VKORC1L1: variants seen among roughly 807,000 people sequenced by gnomAD.
VKORC1L1 encodes vitamin K epoxide reductase complex subunit 1L1, also known as vitamin K epoxide reductase complex subunit 1-like protein 1.
In VKORC1L1, 2 loss-of-function variants were observed where a neutral mutation model predicts 18.9. The observed-to-expected ratio is 0.11, with a 90% confidence interval of 0.04 to 0.33. The LOEUF is 0.33. VKORC1L1 is among the 10% of genes least tolerant of loss of function. The pLI is 1.00. For missense variants in VKORC1L1, 123 were observed against 224.1 expected, an observed-to-expected ratio of 0.55 and a Z score of 2.88; for synonymous variants, 96 against 100.0, an observed-to-expected ratio of 0.96 and a Z score of 0.24.
intron 1 of VKORC1L1, among the ~76,000 whole-genome samples, chr7:65,886,695 G>A (rs1789017612): frequency 6.6e-6 from 1 of 150,832 alleles, no homozygotes; most frequent in African/African-American, 2.4e-5. Flanking sequence ...CTGCCACCAT[G>A]CCCGGCTAAT....
chr7:65,929,158 C>T (rs1166138311), intron 1 of VKORC1L1, among the ~76,000 whole-genome samples: 2 of 152,108 alleles, frequency 1.3e-5, no homozygotes, highest in Admixed American at 6.5e-5. Context: ...CCTGTAATCC[C>T]AGCACTTTGG....
chr7:65,889,448 A>G (rs1789073161), intron 1 of VKORC1L1, among the ~76,000 whole-genome samples: 1 of 152,232 alleles, frequency 6.6e-6, no homozygotes, highest in South Asian at 2.1e-4. Flanking sequence ...GGACTTGTCC[A>G]TGATTCTCTT....
intron 1 of VKORC1L1, among the ~76,000 whole-genome samples, chr7:65,917,112 C>G (rs1247647792): frequency 2.6e-5 from 4 of 152,064 alleles, no homozygotes; most frequent in Non-Finnish European, 4.4e-5. Context: ...GAGACTTTCT[C>G]CCGTGCACCA....
intron 1 of VKORC1L1, among the ~76,000 whole-genome samples, chr7:65,919,853 C>G (rs563872233): frequency 4.7e-4 from 71 of 152,160 alleles, no homozygotes; most frequent in Non-Finnish European, 6.3e-4. Flanking sequence ...GTCAGGAGAT[C>G]GAGACCATCC....
At chr7:65,902,761 CATCATGTACAGAGTA>C (rs1434515810) in intron 1 of VKORC1L1, among the ~76,000 whole-genome samples, 5 of 152,160 alleles carry the variant, frequency 3.3e-5, no homozygotes, top group Admixed American at 3.3e-4. Flanking sequence ...AAAAAATACA[CATCATGTACAGAGTA>C]ACAGAGATAA....
chr7:65,916,921 C>T (rs1382529917), intron 1 of VKORC1L1, among the ~76,000 whole-genome samples: 1 of 152,092 alleles, frequency 6.6e-6, no homozygotes, highest in African/African-American at 2.4e-5. Flanking sequence ...TTTAGGATAA[C>T]AGTTCATGGT....
At chr7:65,919,646 G>C (rs1001453147) in intron 1 of VKORC1L1, among the ~76,000 whole-genome samples, 3 of 152,134 alleles carry the variant, frequency 2.0e-5, no homozygotes, top group East Asian at 1.9e-4. Flanking sequence ...CGGTCATCTT[G>C]TTCTAAGCTA....
intron 1 of VKORC1L1, among the ~76,000 whole-genome samples, chr7:65,940,852 TC>T (rs1790021414): frequency 6.6e-6 from 1 of 152,170 alleles, no homozygotes; most frequent in Non-Finnish European, 1.5e-5. Flanking sequence ...GTATAACATG[TC>T]CCTGGAAAAA....
At chr7:65,908,283 G>A (rs768490867) in intron 1 of VKORC1L1, among the ~76,000 whole-genome samples, 3 of 151,876 alleles carry the variant, frequency 2.0e-5, no homozygotes, top group East Asian at 3.9e-4. Context: ...GCATGGTGGC[G>A]CATGCCTGTA....
intron 1 of VKORC1L1, among the ~76,000 whole-genome samples, chr7:65,876,509 A>G (rs1788829912): frequency 1.3e-5 from 2 of 151,978 alleles, no homozygotes. Flanking sequence ...CTTTAAAAAA[A>G]AAAAAAAAAA....
At chr7:65,944,401 C>A (rs770064868) in intron 1 of VKORC1L1, among the ~76,000 whole-genome samples, 4 of 152,002 alleles carry the variant, frequency 2.6e-5, no homozygotes, top group Non-Finnish European at 5.9e-5. Context: ...AAAAGTAATT[C>A]TCAAGTGATG....
the VKORC1L1 span, among the ~76,000 whole-genome samples, chr7:65,866,221 A>G: frequency 6.6e-6 from 1 of 152,202 alleles, no homozygotes; most frequent in Non-Finnish European, 1.5e-5. Flanking sequence ...AAACATTCAT[A>G]GGAGTTAGAT....
chr7:65,900,073 GTGTGTGTGTGTGTGTA>G (rs776790837), intron 1 of VKORC1L1, among the ~76,000 whole-genome samples: 5,402 of 101,258 alleles, frequency 0.053, 143 homozygotes, highest in East Asian at 0.15. Flanking sequence ...GTGTGTGTGT[GTGTGTGTGTGTGTGTA>G]TTGAAAATAC....
chr7:65,954,036 A>C, intron 2 of VKORC1L1, 38 bp from the exon 3 acceptor site: 2 of 1,556,584 alleles, frequency 1.3e-6, no homozygotes, highest in Non-Finnish European at 1.7e-6. Context: ...TCTCTCCAGC[A>C]CCAAGGCCTG....
intron 1 of VKORC1L1, among the ~76,000 whole-genome samples, chr7:65,874,046 CA>C (rs1379721216): frequency 1.3e-5 from 2 of 152,194 alleles, no homozygotes; most frequent in African/African-American, 4.8e-5. Context: ...GGCGCGGAGA[CA>C]GGGGGGTTGC....
chr7:65,900,041 A>ATG (rs1439237595), intron 1 of VKORC1L1, among the ~76,000 whole-genome samples: 8 of 104,092 alleles, frequency 7.7e-5, no homozygotes, highest in Non-Finnish European at 1.5e-4. Flanking sequence ...ATGTGCACGC[A>ATG]CGTGTGTGTG....
intron 1 of VKORC1L1, among the ~76,000 whole-genome samples, chr7:65,927,523 G>A (rs958643215): frequency 6.6e-6 from 1 of 152,136 alleles, no homozygotes; most frequent in African/African-American, 2.4e-5. Flanking sequence ...CAGGAGAACA[G>A]CGAAAAGTGA....
intron 1 of VKORC1L1, among the ~76,000 whole-genome samples, chr7:65,944,214 A>T (rs1182976654): frequency 6.6e-6 from 1 of 151,990 alleles, no homozygotes; most frequent in Non-Finnish European, 1.5e-5. Flanking sequence ...CAAAAATAAA[A>T]AAAATTAGCC....
upstream of VKORC1L1, among the ~76,000 whole-genome samples, chr7:65,872,323 CT>C (rs200307884): frequency 2.9e-4 from 43 of 147,756 alleles, no homozygotes; most frequent in South Asian, 4.3e-4. Flanking sequence ...GTAAATCTCT[CT>C]TTTTTTTTTT....
Sources: allele counts gnomAD v4.1 joint callset (sites outside exome capture counted in the v4.1 genomes callset), GRCh38; gene constraint gnomAD v4.1.1; transcripts MANE v1.5; gene names NCBI Gene and HGNC (gene_info 2026-07-23, HGNC 2026-07-21).